NUDCD1: variants seen among roughly 807,000 people sequenced by gnomAD.
NUDCD1 encodes the protein NudC domain containing 1, also known as nudC domain-containing protein 1.
In NUDCD1, 60 loss-of-function variants were observed where a neutral mutation model predicts 67.8. That is an observed-to-expected ratio of 0.88 (90% CI 0.72 to 1.10). NUDCD1 has a LOEUF of 1.10. Among genes scored for constraint, NUDCD1 ranks in the 50% least tolerant of loss-of-function variants. The pLI is 0.00. For missense variants in NUDCD1, 643 were observed against 695.0 expected (o/e 0.93, Z 0.84); for synonymous variants, 244 against 230.8 (o/e 1.06, Z -0.52).
At chr8:109,331,125 G>A (rs1478555543) in intron 1 of NUDCD1, among the ~76,000 whole-genome samples, 3 of 151,934 alleles carry the variant, frequency 2.0e-5, no homozygotes, top group South Asian at 2.1e-4. Flanking sequence ...GGTGGATCGC[G>A]AGGTCAGGAG....
At chr8:109,258,053 T>C (rs1206849149) in intron 8 of NUDCD1, among the ~76,000 whole-genome samples, 2 of 152,126 alleles carry the variant, frequency 1.3e-5, no homozygotes, top group Non-Finnish European at 2.9e-5. Context: ...TTAGTGTTTT[T>C]ACATGTCCTA....
intron 2 of NUDCD1, among the ~76,000 whole-genome samples, chr8:109,305,499 C>A (rs1467035815): frequency 6.6e-6 from 1 of 152,130 alleles, no homozygotes; most frequent in East Asian, 1.9e-4. Context: ...CCAAGCTCAG[C>A]CTCCAAGTTA....
At chr8:109,268,270 A>G (rs1814052082) in intron 8 of NUDCD1, among the ~76,000 whole-genome samples, 1 of 152,104 alleles carries the variant, frequency 6.6e-6, no homozygotes, top group South Asian at 2.1e-4. Context: ...GCTCAGTTCT[A>G]TCACTTTTTC....
intron 2 of NUDCD1, among the ~76,000 whole-genome samples, chr8:109,301,062 C>A (rs887610573): frequency 6.6e-6 from 1 of 152,206 alleles, no homozygotes; most frequent in Non-Finnish European, 1.5e-5. Flanking sequence ...AGAGAATTCA[C>A]CACTACCAAG....
intron 5 of NUDCD1, among the ~76,000 whole-genome samples, chr8:109,289,028 T>A (rs1586281239): frequency 6.6e-6 from 1 of 151,428 alleles, no homozygotes; most frequent in African/African-American, 2.4e-5. Context: ...CAAGCTGGAG[T>A]GCAGTGGCAC....
chr8:109,283,153 T>C (rs949496379), intron 5 of NUDCD1, among the ~76,000 whole-genome samples: 2 of 152,122 alleles, frequency 1.3e-5, no homozygotes, highest in Non-Finnish European at 2.9e-5. Context: ...CCAAATACAA[T>C]TGAAAGCTTT....
At chr8:109,319,274 AT>A (rs1815476989) in intron 2 of NUDCD1, among the ~76,000 whole-genome samples, 1 of 152,096 alleles carries the variant, frequency 6.6e-6, no homozygotes, top group South Asian at 2.1e-4. Flanking sequence ...CGCTCGGCCC[AT>A]TTTATGTTTT....
At chr8:109,325,342 T>C (rs1315929809) in intron 1 of NUDCD1, among the ~76,000 whole-genome samples, 3 of 152,100 alleles carry the variant, frequency 2.0e-5, no homozygotes, top group Non-Finnish European at 2.9e-5. Flanking sequence ...AGTACCAAAA[T>C]AGCTAGAAGA....
intron 1 of NUDCD1, 72 bp downstream of exon 1, chr8:109,333,821 G>A (rs533977730): frequency 7.3e-6 from 11 of 1,503,264 alleles, no homozygotes; most frequent in Non-Finnish European, 1.0e-5. Flanking sequence ...GAAAGAAATT[G>A]CGGGAAGGGT....
At chr8:109,245,543 T>C (rs1022908370) in intron 8 of NUDCD1, 62 bp from the exon 9 acceptor site, 4 of 1,304,602 alleles carry the variant, frequency 3.1e-6, no homozygotes, top group South Asian at 2.7e-5. Flanking sequence ...ACAATAACAA[T>C]GGCAGAAGCT....
intron 2 of NUDCD1, among the ~76,000 whole-genome samples, chr8:109,301,738 T>C (rs1399278190): frequency 6.6e-6 from 1 of 152,202 alleles, no homozygotes; most frequent in Non-Finnish European, 1.5e-5. Flanking sequence ...CAATTCCAGC[T>C]CTTTGTCCTC....
intron 7 of NUDCD1, among the ~76,000 whole-genome samples, chr8:109,271,341 T>C (rs565257907): frequency 5.3e-5 from 8 of 152,122 alleles, no homozygotes; most frequent in Non-Finnish European, 1.2e-4. Context: ...CAGTTCCATA[T>C]ACTCAAAGAT....
chr8:109,311,154 A>C (rs141414824), intron 2 of NUDCD1, among the ~76,000 whole-genome samples: 1 of 152,316 alleles, frequency 6.6e-6, no homozygotes, highest in East Asian at 1.9e-4. Context: ...CAAATGGCCA[A>C]AAAGCATATG....
chr8:109,276,826 C>T (rs1177986003), intron 6 of NUDCD1, among the ~76,000 whole-genome samples: 1 of 152,004 alleles, frequency 6.6e-6, no homozygotes, highest in African/African-American at 2.4e-5. Flanking sequence ...GCCCACCTGG[C>T]TAATATTTGT....
intron 2 of NUDCD1, among the ~76,000 whole-genome samples, chr8:109,306,558 T>C (rs931773012): frequency 6.6e-6 from 1 of 151,824 alleles, no homozygotes; most frequent in African/African-American, 2.4e-5. Flanking sequence ...TCTTGCGTGG[T>C]ATATGACAAC....
At chr8:109,326,892 T>G (rs933457711) in intron 1 of NUDCD1, among the ~76,000 whole-genome samples, 1 of 152,236 alleles carries the variant, frequency 6.6e-6, no homozygotes, top group Non-Finnish European at 1.5e-5. Flanking sequence ...CTAATAGTGC[T>G]AACGATGATA....
chr8:109,259,288 G>A (rs1485491608), intron 8 of NUDCD1, among the ~76,000 whole-genome samples: 1 of 152,220 alleles, frequency 6.6e-6, no homozygotes. Context: ...TGAGGATCAG[G>A]GAACTGGTCC....
intron 8 of NUDCD1, among the ~76,000 whole-genome samples, chr8:109,251,598 T>C (rs1337951879): frequency 6.6e-6 from 1 of 152,226 alleles, no homozygotes; most frequent in Non-Finnish European, 1.5e-5. Context: ...TTAGTGTCTT[T>C]AGGATCTCCA....
chr8:109,330,814 A>G (rs1426018207), intron 1 of NUDCD1, among the ~76,000 whole-genome samples: 2 of 152,204 alleles, frequency 1.3e-5, no homozygotes, highest in Non-Finnish European at 2.9e-5. Context: ...ACATGTTCTC[A>G]CTTGTAAGTG....
Sources: gnomAD v4.1 joint callset for allele counts (sites outside exome capture counted in the v4.1 genomes callset) on GRCh38, gnomAD v4.1.1 for gene constraint, MANE v1.5 for transcripts, NCBI Gene and HGNC (gene_info 2026-07-23, HGNC 2026-07-21) for gene names.